RPS29: variants seen among roughly 807,000 people sequenced by gnomAD.
The protein encoded by RPS29 is small ribosomal subunit protein uS14.
For missense variants in RPS29, 60 were observed against 75.7 expected, an observed-to-expected ratio of 0.79 and a Z score of 0.77; for synonymous variants, 37 against 26.9, an observed-to-expected ratio of 1.37 and a Z score of -1.16.
upstream of RPS29, chr14:49,586,484 T>A (rs535701769): frequency 5.4e-6 from 4 of 744,924 alleles, no homozygotes; most frequent in Non-Finnish European, 9.4e-6. Context: ...TTTCGCTGGG[T>A]GAGTAAAATG....
At chr14:49,577,804 G>T (rs1261576110) in exon 3 of RPS29, 1 of 1,603,998 alleles carries the variant, frequency 6.2e-7, no homozygotes, top group Non-Finnish European at 8.5e-7. Context: ...TGATGGAGGA[G>T]ATGGGTGTCA....
At chr14:49,572,280 G>A (rs1881073500) in exon 3 of RPS29, 1 of 152,136 alleles carries the variant, frequency 6.6e-6, no homozygotes, top group Admixed American at 6.5e-5. Flanking sequence ...AATTGACTGG[G>A]GACTCCCAAA....
chr14:49,585,498 T>G (rs1881506165), intron 2 of RPS29: 1 of 211,600 alleles, frequency 4.7e-6, no homozygotes, highest in African/African-American at 2.3e-5. Flanking sequence ...GAGGATCGCC[T>G]GAGACCAGGA....
intron 1 of RPS29, among the ~76,000 whole-genome samples, chr14:49,596,905 A>G (rs1028614303): frequency 1.5e-5 from 2 of 137,148 alleles, no homozygotes; most frequent in Non-Finnish European, 3.1e-5. Context: ...CGCCCAACTA[A>G]TTTTTTCTTC....
downstream of RPS29, among the ~76,000 whole-genome samples, chr14:49,581,977 C>CTCCAG (rs1481323032): frequency 1.7e-3 from 234 of 140,356 alleles, 1 homozygote; most frequent in African/African-American, 6.4e-3. Flanking sequence ...CGCCACTGCA[C>CTCCAG]TCCAGCTTGG....
At chr14:49,585,034 G>A (rs989528769) in intron 2 of RPS29, among the ~76,000 whole-genome samples, 1 of 152,002 alleles carries the variant, frequency 6.6e-6, no homozygotes, top group Non-Finnish European at 1.5e-5. Flanking sequence ...ATGTCTTTCC[G>A]GCCCCAAACT....
At chr14:49,586,203 C>A in intron 1 of RPS29, 82 bp downstream of exon 1, 1 of 1,477,366 alleles carries the variant, frequency 6.8e-7, no homozygotes, top group Non-Finnish European at 9.5e-7. Flanking sequence ...CCTCGTGCCG[C>A]CCGTGGCCTC....
chr14:49,575,675 C>A (rs1019599607), exon 3 of RPS29: 1 of 152,106 alleles, frequency 6.6e-6, no homozygotes, highest in Admixed American at 6.6e-5. Flanking sequence ...GGTGAGACTT[C>A]CATCTCTACG....
chr14:49,589,904 G>C (rs1325750820), upstream of RPS29, among the ~76,000 whole-genome samples: 1 of 152,176 alleles, frequency 6.6e-6, no homozygotes, highest in East Asian at 1.9e-4. Flanking sequence ...CATGGATGGA[G>C]CTGGAGGCCA....
intron 1 of RPS29, among the ~76,000 whole-genome samples, chr14:49,594,209 C>T (rs1881774372): frequency 6.6e-6 from 1 of 152,156 alleles, no homozygotes; most frequent in Admixed American, 6.6e-5. Flanking sequence ...TTCAGGCTTG[C>T]TCTACCTCCA....
chr14:49,589,845 G>C (rs1881674316), upstream of RPS29, among the ~76,000 whole-genome samples: 1 of 152,180 alleles, frequency 6.6e-6, no homozygotes, highest in Admixed American at 6.5e-5. Context: ...ATACACTATG[G>C]AATGCTACAC....
Position 49,586,259 on chromosome 14 carries a change from C to G in RPS29, c.62+26G>C, listed in dbSNP as rs189778397. The G allele has an allele frequency of 2.5e-6, 4 of 1,611,352 alleles. No individual in the cohort carries two copies. In the African/African-American group the frequency reaches 4.0e-5, roughly 16 times the overall value. On this transcript the variant is annotated intron_variant, in intron 1 of 2. Transcript: ENST00000245458. The stretch of plus-strand genomic sequence containing the variant: ...AGCCTAGCGCTCCACGGCAACGCTT[C>G]CCCAAAATCACAAACTATTTCTCAC...
At chr14:49,575,539 GT>G (rs1594565622) in exon 3 of RPS29, 1 of 152,232 alleles carries the variant, frequency 6.6e-6, no homozygotes, top group Non-Finnish European at 1.5e-5. Flanking sequence ...AAGGAAGCCA[GT>G]TCTGGCTTCT....
intron 2 of RPS29, among the ~76,000 whole-genome samples, chr14:49,584,468 T>C (rs1441374645): frequency 7.2e-5 from 11 of 152,190 alleles, no homozygotes; most frequent in Admixed American, 7.2e-4. Context: ...GTATTCATAT[T>C]AACAATTTAC....
At chr14:49,582,012 CAAAAAA>C (rs58507206), downstream of RPS29, among the ~76,000 whole-genome samples, 440 of 106,496 alleles carry the variant, frequency 4.1e-3, 5 homozygotes, top group East Asian at 0.027. Flanking sequence ...CCCTGCCCCC[CAAAAAA>C]AAAAAAAAAA....
chr14:49,596,750 A>T (rs1337547667), intron 1 of RPS29, among the ~76,000 whole-genome samples: 1 of 150,804 alleles, frequency 6.6e-6, no homozygotes, highest in Non-Finnish European at 1.5e-5. Context: ...AAGCCTAAGT[A>T]ACACCAAATA....
chr14:49,598,521 C>G (rs757367689), exon 1 of RPS29: 11 of 702,282 alleles, frequency 1.6e-5, no homozygotes, highest in Non-Finnish European at 2.6e-5. Flanking sequence ...AGCAGCCCGT[C>G]CGCGCCGGGA....
At chr14:49,573,911 G>C (rs1881116013) in exon 3 of RPS29, 1 of 152,210 alleles carries the variant, frequency 6.6e-6, no homozygotes, top group Admixed American at 6.5e-5. Flanking sequence ...GGGTGAACCA[G>C]ACTCAGTCTA....
chr14:49,581,329 G>A (rs946486335), downstream of RPS29, among the ~76,000 whole-genome samples: 5 of 152,154 alleles, frequency 3.3e-5, no homozygotes, highest in African/African-American at 7.2e-5. Context: ...CTTAATCAAA[G>A]GCACACAATA....
Sources: gnomAD v4.1 joint callset for allele counts (sites outside exome capture counted in the v4.1 genomes callset) on GRCh38, gnomAD v4.1.1 for gene constraint, MANE v1.5 for transcripts, NCBI Gene and HGNC (gene_info 2026-07-23, HGNC 2026-07-21) for gene names.